CDC73: variants seen among roughly 807,000 people sequenced by gnomAD.
CDC73 encodes the protein parafibromin.
A neutral mutation model predicts 83.7 loss-of-function variants in CDC73; 21 were observed. The observed-to-expected ratio is 0.25, with a 90% CI of 0.18 to 0.36. The LOEUF is 0.36. Ranked by LOEUF, CDC73 falls within the 10% of genes least tolerant of loss-of-function variation. CDC73 has a pLI of 1.00. For missense variants in CDC73, 342 were observed against 653.3 expected, an observed-to-expected ratio of 0.52 and a Z score of 5.19; for synonymous variants, 224 against 212.9, an observed-to-expected ratio of 1.05 and a Z score of -0.45.
chr1:193,142,165 G>A (rs2103126704), intron 7 of CDC73, 99 bp downstream of exon 7: 2 of 1,000,510 alleles, frequency 2.0e-6, no homozygotes, highest in South Asian at 2.7e-5. Context: ...GCTTTTAGGT[G>A]GAAGTTTCAA....
At chr1:193,207,499 C>T (rs1311674872) in intron 11 of CDC73, among the ~76,000 whole-genome samples, 1 of 152,150 alleles carries the variant, frequency 6.6e-6, no homozygotes, top group Non-Finnish European at 1.5e-5. Flanking sequence ...AAGACAGACA[C>T]TCCCAGAGCA....
At position 193,147,254 on chromosome 1, in the gene CDC73, A is replaced by G. The variant is rs12132560; in HGVS notation, c.730-613A>G. Among the ~76,000 whole-genome samples, 443 of 152,034 alleles carry G rather than the reference A, an allele frequency of 2.9e-3. 3 individuals carry two copies. Among genetic ancestry groups the G allele is most frequent in the Middle Eastern group, 6.8e-3 (2 of 294 alleles). ...TGATCCACCTGCCTCTGCCTCCCAA[A>G]GTGCTGGGATTACAGTCACGAGCCA... On this transcript the variant is annotated intron_variant, in intron 7 of 16. Coordinates refer to ENST00000367435, the MANE Select transcript of CDC73 (RefSeq NM_024529.5).
intron 2 of CDC73, among the ~76,000 whole-genome samples, chr1:193,128,729 A>T (rs1249410169): frequency 6.6e-6 from 1 of 152,222 alleles, no homozygotes; most frequent in Non-Finnish European, 1.5e-5. Context: ...GTGATTAAAT[A>T]CAGTTTATCT....
chr1:193,150,625 A>G (rs1361452513), intron 9 of CDC73, among the ~76,000 whole-genome samples: 2 of 152,234 alleles, frequency 1.3e-5, no homozygotes, highest in Non-Finnish European at 2.9e-5. Flanking sequence ...GAGACTGTGT[A>G]GCCTACAAAG....
intron 1 of CDC73, among the ~76,000 whole-genome samples, chr1:193,123,544 A>T (rs1380567872): frequency 6.6e-6 from 1 of 152,086 alleles, no homozygotes; most frequent in Admixed American, 6.5e-5. Context: ...TGGTTTTAAA[A>T]TTTTTTTGTC....
At chr1:193,196,159 A>C (rs1315540901) in intron 10 of CDC73, among the ~76,000 whole-genome samples, 1 of 151,964 alleles carries the variant, frequency 6.6e-6, no homozygotes, top group African/African-American at 2.4e-5. Flanking sequence ...TTTTGAGTTA[A>C]ATTTGTATAT....
At chr1:193,162,331 T>C (rs1268807909) in intron 10 of CDC73, among the ~76,000 whole-genome samples, 2 of 136,046 alleles carry the variant, frequency 1.5e-5, no homozygotes, top group Non-Finnish European at 3.1e-5. Context: ...ATATACTATA[T>C]ACTATATATT....
At chr1:193,128,673 A>C (rs1162032918) in intron 2 of CDC73, among the ~76,000 whole-genome samples, 1 of 152,228 alleles carries the variant, frequency 6.6e-6, no homozygotes, top group Non-Finnish European at 1.5e-5. Flanking sequence ...ATAAGGAGAA[A>C]CTAAAATTTA....
intron 14 of CDC73, among the ~76,000 whole-genome samples, chr1:193,234,175 TCACACACACACACACACACA>T (rs71111461): frequency 0.015 from 1,533 of 101,390 alleles, 36 homozygotes; most frequent in African/African-American, 0.056. Context: ...TCTCTCTCTC[TCACACACACACACACACACA>T]CACACACACA....
At chr1:193,212,532 ATAG>A in intron 13 of CDC73, 55 bp downstream of exon 13, 1 of 1,158,984 alleles carries the variant, frequency 8.6e-7, no homozygotes, top group Non-Finnish European at 1.3e-6. Flanking sequence ...CCATTGGAAA[ATAG>A]TAGTTACTGA....
At chr1:193,183,984 A>G (rs917113960) in intron 10 of CDC73, among the ~76,000 whole-genome samples, 1 of 151,894 alleles carries the variant, frequency 6.6e-6, no homozygotes, top group Non-Finnish European at 1.5e-5. Context: ...TGTTGCTTTT[A>G]TAAGAACAAT....
intron 11 of CDC73, among the ~76,000 whole-genome samples, chr1:193,206,096 A>G (rs942462656): frequency 1.3e-5 from 2 of 152,196 alleles, no homozygotes; most frequent in Admixed American, 6.5e-5. Flanking sequence ...AGAGGCACTG[A>G]TACCTAAACA....
At chr1:193,177,379 A>AAAAAAAAC (rs1676625184) in intron 10 of CDC73, among the ~76,000 whole-genome samples, 2 of 148,150 alleles carry the variant, frequency 1.3e-5, no homozygotes, top group Non-Finnish European at 3.0e-5. Flanking sequence ...AAAAAAAAAA[A>AAAAAAAAC]ATCAGCCGGG....
intron 10 of CDC73, among the ~76,000 whole-genome samples, chr1:193,198,204 G>C (rs1037905351): frequency 1.3e-5 from 2 of 152,130 alleles, no homozygotes; most frequent in East Asian, 3.9e-4. Context: ...CTGATTGGGG[G>C]AAGCAGACAA....
chr1:193,213,834 T>G (rs1335118547), intron 13 of CDC73, among the ~76,000 whole-genome samples: 1 of 152,200 alleles, frequency 6.6e-6, no homozygotes, highest in Non-Finnish European at 1.5e-5. Flanking sequence ...CAAGAATATC[T>G]CAAGCCTTGA....
intron 2 of CDC73, among the ~76,000 whole-genome samples, chr1:193,128,544 A>G (rs774776020): frequency 1.5e-4 from 23 of 151,970 alleles, no homozygotes; most frequent in African/African-American, 2.7e-4. Flanking sequence ...GGCTCCAGCA[A>G]TCCACCCACT....
intron 10 of CDC73, among the ~76,000 whole-genome samples, chr1:193,187,064 A>G (rs182595116): frequency 9.7e-6 from 1 of 102,708 alleles, no homozygotes; most frequent in East Asian, 2.5e-4. Flanking sequence ...GTTAAGACCT[A>G]TGGTTTCTAT....
chr1:193,136,816 A>G (rs1675809981), intron 5 of CDC73, among the ~76,000 whole-genome samples: 1 of 152,200 alleles, frequency 6.6e-6, no homozygotes, highest in Admixed American at 6.5e-5. Context: ...GGCCTCCCGA[A>G]GTGCTGGGAT....
At chr1:193,157,550 G>A (rs1169036275) in intron 10 of CDC73, among the ~76,000 whole-genome samples, 1 of 152,172 alleles carries the variant, frequency 6.6e-6, no homozygotes, top group Non-Finnish European at 1.5e-5. Flanking sequence ...TGCGTACTGG[G>A]TCTGTAGTCT....
Sources: allele counts gnomAD v4.1 joint callset (sites outside exome capture counted in the v4.1 genomes callset), GRCh38; gene constraint gnomAD v4.1.1; transcripts MANE v1.5; gene names NCBI Gene and HGNC (gene_info 2026-07-23, HGNC 2026-07-21).